Variants in MTHFD2L observed in about 807,000 individuals in gnomAD.
MTHFD2L encodes bifunctional methylenetetrahydrofolate dehydrogenase/cyclohydrolase 2, mitochondrial.
Under a neutral mutation model 34.9 loss-of-function variants are expected in MTHFD2L, and 29 were observed. The ratio of observed to expected loss-of-function variants is 0.83; its 90% CI spans 0.62 to 1.13. The LOEUF is 1.13. Ranked by LOEUF, MTHFD2L falls within the 50% of genes most tolerant of loss-of-function variation. MTHFD2L has a pLI of 0.00. For synonymous variants in MTHFD2L, 167 were observed against 155.7 expected, an observed-to-expected ratio of 1.07 and a Z score of -0.54; for missense variants, 481 against 446.5, an observed-to-expected ratio of 1.08 and a Z score of -0.70.
chr4:74,242,262 T>C (rs1007305189), intron 6 of MTHFD2L: 2 of 152,198 alleles, frequency 1.3e-5, no homozygotes, highest in African/African-American at 4.8e-5. Context: ...TAATCTTTTC[T>C]GTATGATTAA....
chr4:74,174,361 G>T (rs1728611312), intron 1 of MTHFD2L, 145 bp from the exon 2 acceptor site: 1 of 454,934 alleles, frequency 2.2e-6, no homozygotes, highest in East Asian at 3.6e-5. Flanking sequence ...TGAACCTGAA[G>T]AGTAGGTGTC....
At chr4:74,218,337 C>G (rs1737555256) in intron 5 of MTHFD2L, among the ~76,000 whole-genome samples, 1 of 152,096 alleles carries the variant, frequency 6.6e-6, no homozygotes, top group Non-Finnish European at 1.5e-5. Flanking sequence ...AAAGCTGGCA[C>G]ATGGACAGTG....
At position 74,214,459 on chromosome 4, in the gene MTHFD2L, A is replaced by G. The variant is rs111691283; in HGVS notation, c.713-10843A>G. Among the ~76,000 whole-genome samples, 134 of 151,928 alleles carry G rather than the reference A, an allele frequency of 8.8e-4. 1 individual carries two copies. The highest frequency in any genetic ancestry group is 1.1e-3 in the Non-Finnish European group (75 of 68,022). Reference sequence around the variant, plus strand: ...TCTGTTTGGTAGTTTTCCTTCTAACAGGCCCCTCTGCTGCAGGTCTGCTGG... The same window carrying G: ...TCTGTTTGGTAGTTTTCCTTCTAACGGGCCCCTCTGCTGCAGGTCTGCTGG... On this transcript the variant is annotated intron_variant, in intron 5 of 7. Transcript: ENST00000325278.
At position 74,186,014 on chromosome 4, in the gene MTHFD2L, T is replaced by G. The variant is rs139419556; in HGVS notation, c.451+10611T>G. 1.8e-3 allele frequency among the ~76,000 whole-genome samples: 275 copies of G among 152,194 alleles called. 1 individual carries two copies. The highest frequency in any genetic ancestry group is 5.6e-3 in the African/African-American group (234 of 41,562). ...ACATTAACAAATCAAATCCAACAATTTAGAAAACAATTCATCATGACCAAA... is the reference window on the plus strand; with the variant it reads ...ACATTAACAAATCAAATCCAACAATGTAGAAAACAATTCATCATGACCAAA... On this transcript the variant is annotated intron_variant, in intron 3 of 7. Coordinates refer to ENST00000325278, the MANE Select transcript of MTHFD2L (RefSeq NM_001144978.3).
intron 6 of MTHFD2L, among the ~76,000 whole-genome samples, chr4:74,226,052 G>T (rs570321875): frequency 6.6e-6 from 1 of 151,972 alleles, no homozygotes; most frequent in East Asian, 1.9e-4. Context: ...AATAATAAAA[G>T]CTGCCTCAAA....
chr4:74,275,512 G>A (rs1195167718), intron 6 of MTHFD2L, among the ~76,000 whole-genome samples: 1 of 152,070 alleles, frequency 6.6e-6, no homozygotes, highest in Non-Finnish European at 1.5e-5. Context: ...GATCCTTGAG[G>A]AATCACCACA....
chr4:74,283,912 C>G (rs985524942), intron 7 of MTHFD2L, among the ~76,000 whole-genome samples: 1 of 152,082 alleles, frequency 6.6e-6, no homozygotes, highest in Non-Finnish European at 1.5e-5. Flanking sequence ...GGATGATCCC[C>G]CAACTGAGAG....
At chr4:74,294,514 T>C (rs1749390784) in intron 7 of MTHFD2L, among the ~76,000 whole-genome samples, 1 of 152,062 alleles carries the variant, frequency 6.6e-6, no homozygotes, top group Non-Finnish European at 1.5e-5. Context: ...CCACGTACTT[T>C]CTGTTTTATT....
At chr4:74,242,112 T>C (rs1268187070) in intron 6 of MTHFD2L, 1 of 152,208 alleles carries the variant, frequency 6.6e-6, no homozygotes, top group East Asian at 1.9e-4. Context: ...TATCATTGTA[T>C]AGTATCTTGT....
intron 6 of MTHFD2L, 105 bp from the exon 7 acceptor site, chr4:74,281,320 C>A: frequency 1.4e-6 from 1 of 740,446 alleles, no homozygotes; most frequent in Non-Finnish European, 1.8e-6. Context: ...ATGTATTACA[C>A]ATACGTGTGT....
intron 1 of MTHFD2L, chr4:74,160,040 T>C: frequency 7.8e-7 from 1 of 1,282,990 alleles, no homozygotes; most frequent in Non-Finnish European, 1.0e-6. Flanking sequence ...TATTGGTGTC[T>C]CTTTTCTCTT....
chr4:74,231,966 G>GCA (rs1374250289), intron 6 of MTHFD2L, among the ~76,000 whole-genome samples: 1 of 152,068 alleles, frequency 6.6e-6, no homozygotes, highest in Non-Finnish European at 1.5e-5. Flanking sequence ...CATGTAAAGA[G>GCA]CATAGCACAG....
upstream of MTHFD2L, among the ~76,000 whole-genome samples, chr4:74,124,341 G>A (rs2109783166): frequency 6.6e-6 from 1 of 151,622 alleles, no homozygotes; most frequent in South Asian, 2.1e-4. Flanking sequence ...TCTTTCTGAA[G>A]GTGATATATC....
At chr4:74,254,767 G>A (rs76604347) in intron 6 of MTHFD2L, among the ~76,000 whole-genome samples, 1,739 of 152,268 alleles carry the variant, frequency 0.011, 33 homozygotes, top group African/African-American at 0.04. Context: ...ACAGTGGTGT[G>A]TAAATCACTT....
intron 6 of MTHFD2L, among the ~76,000 whole-genome samples, chr4:74,244,595 A>G (rs1742158312): frequency 6.6e-6 from 1 of 152,232 alleles, no homozygotes; most frequent in South Asian, 2.1e-4. Context: ...GCAATGTGGA[A>G]TATCCACAAA....
chr4:74,184,993 C>CA (rs1029121374), intron 3 of MTHFD2L, among the ~76,000 whole-genome samples: 281 of 149,438 alleles, frequency 1.9e-3, no homozygotes, highest in Middle Eastern at 3.4e-3. Context: ...ACTAAAAATA[C>CA]AAAAAAAAAT....
rs1453736485 is a variant in MTHFD2L, at chr4:74,158,118, G to A, written c.-21G>A. ...GTCGCGGGAGGTGGAGCCCCAGTCC[G>A]GAAGCCGGGGATCCGCGGCCATGAC... On this transcript the variant is annotated 5_prime_UTR_variant, in exon 1 of 8. Coordinates refer to ENST00000325278, the MANE Select transcript of MTHFD2L (RefSeq NM_001144978.3). 3 of 1,529,782 alleles carry A rather than the reference G, an allele frequency of 2.0e-6. No individual in the cohort carries two copies. Among genetic ancestry groups the A allele is most frequent in the Non-Finnish European group, 2.6e-6 (3 of 1,141,656 alleles). 94.8% of individuals were successfully genotyped at this position (1,529,782 alleles called of 1,614,324 possible).
chr4:74,218,391 T>A (rs547337513), intron 5 of MTHFD2L, among the ~76,000 whole-genome samples: 89 of 152,148 alleles, frequency 5.8e-4, no homozygotes, highest in African/African-American at 2.1e-3. Context: ...TAGGGTCTGG[T>A]TTTTTAGCTT....
chr4:74,291,283 G>T (rs866456837), intron 7 of MTHFD2L, among the ~76,000 whole-genome samples: 7 of 151,736 alleles, frequency 4.6e-5, no homozygotes, highest in African/African-American at 1.7e-4. Context: ...CCAAAGTGCT[G>T]GGATTACAGG....
Sources: gnomAD v4.1 joint callset for allele counts (sites outside exome capture counted in the v4.1 genomes callset) on GRCh38, gnomAD v4.1.1 for gene constraint, MANE v1.5 for transcripts, NCBI Gene and HGNC (gene_info 2026-07-23, HGNC 2026-07-21) for gene names.